The following DPP10 variants were observed in gnomAD, a reference collection of about 807,000 sequenced individuals.
DPP10 encodes the protein dipeptidyl peptidase like 10, also known as inactive dipeptidyl peptidase 10.
In DPP10, 33 loss-of-function variants were observed where a neutral mutation model predicts 120.9. That is an observed-to-expected ratio of 0.27 (90% CI 0.21 to 0.37). DPP10 has a LOEUF of 0.37. DPP10 is among the 10% of genes least tolerant of loss of function. The pLI, the probability that DPP10 is intolerant of heterozygous loss-of-function variation, is 1.00. For synonymous variants in DPP10, 337 were observed against 326.1 expected (o/e 1.03, Z -0.36); for missense variants, 816 against 942.8 (o/e 0.87, Z 1.76).
rs530558918 is a variant in DPP10 at position 114,709,373 on chromosome 2, G to C, written c.60+266535G>C. 1.1e-4 allele frequency among the ~76,000 whole-genome samples: 16 copies of C among 152,222 alleles called. No homozygotes were observed. The East Asian group carries it at 2.9e-3, about 28-fold the overall frequency. Reference sequence around the variant, plus strand: ...CTTCTGCTATTTCTGATCTCTAAGTGACTTCCCTGACTCATTTTTGGCTTG... The same window carrying C: ...CTTCTGCTATTTCTGATCTCTAAGTCACTTCCCTGACTCATTTTTGGCTTG... On this transcript the variant is annotated intron_variant, in intron 1 of 25. Coordinates refer to ENST00000410059, the MANE Select transcript of DPP10 (RefSeq NM_020868.6).
At chr2:115,448,113 G>T (rs1346814522) in intron 3 of DPP10, among the ~76,000 whole-genome samples, 1 of 152,172 alleles carries the variant, frequency 6.6e-6, no homozygotes. Flanking sequence ...GAGGTACAGT[G>T]AATGAGATTG....
intron 1 of DPP10, among the ~76,000 whole-genome samples, chr2:114,935,211 C>G (rs1014021298): frequency 6.6e-6 from 1 of 152,144 alleles, no homozygotes. Context: ...CGATCTTGAT[C>G]TATGAGATAC....
chr2:114,478,466 G>T (rs999248990), intron 1 of DPP10, among the ~76,000 whole-genome samples: 11 of 152,040 alleles, frequency 7.2e-5, no homozygotes, highest in African/African-American at 1.9e-4. Context: ...CATCTTAGAT[G>T]ATGAAAGACT....
At chr2:115,290,324 A>G (rs943767539) in intron 1 of DPP10, among the ~76,000 whole-genome samples, 1 of 152,160 alleles carries the variant, frequency 6.6e-6, no homozygotes, top group African/African-American at 2.4e-5. Flanking sequence ...TCAATGTTCA[A>G]GTTACCTTGA....
intron 3 of DPP10, among the ~76,000 whole-genome samples, chr2:115,385,448 T>C (rs1213489381): frequency 2.0e-5 from 3 of 151,854 alleles, no homozygotes; most frequent in Non-Finnish European, 2.9e-5. Flanking sequence ...CTCTGCCTCC[T>C]GGGTTCAAAC....
intron 5 of DPP10, among the ~76,000 whole-genome samples, chr2:115,545,201 T>C (rs902615843): frequency 6.6e-6 from 1 of 152,226 alleles, no homozygotes; most frequent in East Asian, 1.9e-4. Context: ...TCCAAAAAAG[T>C]TGGTAAAAGA....
intron 1 of DPP10, among the ~76,000 whole-genome samples, chr2:115,110,554 A>G (rs1227538199): frequency 6.6e-6 from 1 of 152,120 alleles, no homozygotes; most frequent in Non-Finnish European, 1.5e-5. Context: ...TAATGTATTT[A>G]AATAGTTTTT....
chr2:114,908,705 T>C (rs1001672441), intron 1 of DPP10, among the ~76,000 whole-genome samples: 1 of 151,858 alleles, frequency 6.6e-6, no homozygotes, highest in African/African-American at 2.4e-5. Context: ...CTGGAATGAA[T>C]ATTAAATTTT....
At chr2:115,389,096 T>A (rs2067150710) in intron 3 of DPP10, among the ~76,000 whole-genome samples, 1 of 152,202 alleles carries the variant, frequency 6.6e-6, no homozygotes, top group African/African-American at 2.4e-5. Context: ...TTGCTGCTTT[T>A]GCAATCAAAA....
intron 3 of DPP10, among the ~76,000 whole-genome samples, chr2:115,453,820 A>T (rs1375686542): frequency 2.0e-5 from 3 of 151,586 alleles, no homozygotes; most frequent in Non-Finnish European, 4.4e-5. Flanking sequence ...TTAATTCTTT[A>T]AAAAGACCAA....
intron 3 of DPP10, among the ~76,000 whole-genome samples, chr2:115,373,706 A>C (rs370366519): frequency 6.6e-6 from 1 of 152,048 alleles, no homozygotes; most frequent in African/African-American, 2.4e-5. Context: ...AGTTGTATTC[A>C]TCCATTCTCA....
At chr2:114,461,853 TAAG>T (rs1156695539) in intron 1 of DPP10, 2 of 985,124 alleles carry the variant, frequency 2.0e-6, no homozygotes, top group Non-Finnish European at 2.4e-6. Context: ...CCTTTAGCTA[TAAG>T]AAGAATGGAA....
chr2:115,063,330 T>C (rs1282937743), intron 1 of DPP10, among the ~76,000 whole-genome samples: 1 of 152,230 alleles, frequency 6.6e-6, no homozygotes, highest in Non-Finnish European at 1.5e-5. Flanking sequence ...TCTCCCATTC[T>C]GTAGGTTGTC....
At chr2:115,326,546 G>C (rs556320924) in intron 2 of DPP10, among the ~76,000 whole-genome samples, 1 of 152,042 alleles carries the variant, frequency 6.6e-6, no homozygotes, top group East Asian at 1.9e-4. Flanking sequence ...TCTTCAGGAG[G>C]TATTCCAGAA....
At chr2:115,127,789 T>C (rs1293319201) in intron 1 of DPP10, among the ~76,000 whole-genome samples, 1 of 152,204 alleles carries the variant, frequency 6.6e-6, no homozygotes. Context: ...CCACTGTGAC[T>C]GTCATATTCA....
At chr2:114,617,700 G>GT (rs1693781888) in intron 1 of DPP10, among the ~76,000 whole-genome samples, 1 of 152,062 alleles carries the variant, frequency 6.6e-6, no homozygotes, top group Admixed American at 6.6e-5. Flanking sequence ...TTTTATACTT[G>GT]TTTTCACTTA....
intron 1 of DPP10, among the ~76,000 whole-genome samples, chr2:114,713,362 G>T (rs1034509682): frequency 2.2e-4 from 34 of 152,144 alleles, no homozygotes; most frequent in Admixed American, 8.5e-4. Flanking sequence ...CTGGGTTAAA[G>T]GGTAAAATTA....
chr2:115,805,139 C>T (rs1356206430), intron 19 of DPP10, among the ~76,000 whole-genome samples: 1 of 152,124 alleles, frequency 6.6e-6, no homozygotes, highest in Non-Finnish European at 1.5e-5. Flanking sequence ...GGCAGGCGCC[C>T]CTCCCCCAGC....
At chr2:115,774,273 A>G (rs1456336127) in intron 13 of DPP10, among the ~76,000 whole-genome samples, 1 of 151,826 alleles carries the variant, frequency 6.6e-6, no homozygotes, top group Non-Finnish European at 1.5e-5. Context: ...GAAAATAATT[A>G]ACCTAGAAAT....
Sources: gnomAD v4.1 joint callset for allele counts (sites outside exome capture counted in the v4.1 genomes callset) on GRCh38, gnomAD v4.1.1 for gene constraint, MANE v1.5 for transcripts, NCBI Gene and HGNC (gene_info 2026-07-23, HGNC 2026-07-21) for gene names.